The following C1orf159 variants were observed in gnomAD, a reference collection of about 807,000 sequenced individuals.
C1orf159 encodes uncharacterized protein C1orf159.
A neutral mutation model predicts 25.6 loss-of-function variants in C1orf159; 19 were observed. The ratio of observed to expected loss-of-function variants is 0.74; its 90% CI spans 0.52 to 1.09. The LOEUF (loss-of-function observed/expected upper bound fraction) is 1.09. C1orf159 is among the 50% of genes least tolerant of loss of function. The pLI, the probability that C1orf159 is intolerant of heterozygous loss-of-function variation, is 0.00. For missense variants in C1orf159, 274 were observed against 290.6 expected, an observed-to-expected ratio of 0.94 and a Z score of 0.42; for synonymous variants, 139 against 124.7, an observed-to-expected ratio of 1.12 and a Z score of -0.77.
chr1:1,092,796 G>C (rs1023735371), intron 1 of C1orf159: 1 of 152,396 alleles, frequency 6.6e-6, no homozygotes, highest in Non-Finnish European at 1.5e-5. Context: ...GCCCAGGTGT[G>C]AGCCTGCCGG....
intron 1 of C1orf159, among the ~76,000 whole-genome samples, chr1:1,096,308 C>A (rs1203544465): frequency 6.6e-6 from 1 of 152,180 alleles, no homozygotes; most frequent in Non-Finnish European, 1.5e-5. Flanking sequence ...ATCCTCCCAC[C>A]TCAGCCTCCC....
chr1:1,107,979 C>T (rs1646198653), intron 1 of C1orf159, among the ~76,000 whole-genome samples: 1 of 152,232 alleles, frequency 6.6e-6, no homozygotes, highest in African/African-American at 2.4e-5. Context: ...CTGTAACACT[C>T]ACTGCGAGGG....
chr1:1,093,262 G>A (rs1376652987), intron 1 of C1orf159, among the ~76,000 whole-genome samples: 1 of 152,156 alleles, frequency 6.6e-6, no homozygotes, highest in Non-Finnish European at 1.5e-5. Context: ...TCCCTCTCTG[G>A]TTAAAGGGCA....
intron 4 of C1orf159, among the ~76,000 whole-genome samples, chr1:1,088,563 C>T (rs1311515682): frequency 6.6e-6 from 1 of 151,244 alleles, no homozygotes; most frequent in East Asian, 2.0e-4. Context: ...CCCGCCAGGC[C>T]GACGCTGCGC....
chr1:1,101,660 C>T (rs751742598), intron 1 of C1orf159, among the ~76,000 whole-genome samples: 5 of 152,138 alleles, frequency 3.3e-5, no homozygotes, highest in South Asian at 2.1e-4. Context: ...CACAGTCTGT[C>T]GGCTCACGGT....
rs557192259 is a variant in C1orf159, at chr1:1,089,604, C to T, written c.148+749G>A. 1.5e-4 allele frequency among the ~76,000 whole-genome samples: 23 copies of T among 152,298 alleles called. No individual in the cohort carries two copies. In the South Asian group the frequency reaches 1.7e-3, roughly 11 times the overall value. On this transcript the variant is annotated intron_variant, in intron 4 of 9. Coordinates refer to ENST00000421241, the MANE Select transcript of C1orf159 (RefSeq NM_017891.5). This position sits in a 1 kb window ranked among gnomAD's most constrained non-coding sequence, Gnocchi z 7.5. ...CGCCGTCTTGACCACGCCCTCCTCA[C>T]GAGGCCCCTGAGTCCCCAGGAGCAG...
chr1:1,111,209 T>G (rs1646252264), intron 1 of C1orf159, among the ~76,000 whole-genome samples: 1 of 152,180 alleles, frequency 6.6e-6, no homozygotes. Flanking sequence ...ATACACTCTT[T>G]GACCACTCTT....
rs1427461926 is a variant in C1orf159, at chr1:1,091,971, A to G, written c.-23+20T>C. The G allele has an allele frequency of 2.2e-6, 1 of 457,370 alleles. No individual in the cohort carries two copies. Among genetic ancestry groups the G allele is most frequent in the Non-Finnish European group, 4.4e-6 (1 of 228,464 alleles). 28.3% of individuals were successfully genotyped at this position (457,370 alleles called of 1,614,324 possible). ...GGCCTTTGGAGGCACGGGTGGGGCG[A>G]GGTGTAGGCAGGGCCTTACCTGCCC... On this transcript the variant is annotated intron_variant, in intron 2 of 9. Coordinates refer to ENST00000421241, the MANE Select transcript of C1orf159 (RefSeq NM_017891.5).
At chr1:1,091,156 T>A (rs1311071394) in intron 3 of C1orf159, 1 of 623,592 alleles carries the variant, frequency 1.6e-6, no homozygotes, top group Admixed American at 2.9e-5. Flanking sequence ...GCAGCTACAC[T>A]CCCCGATAGC....
In C1orf159 at chr1:1,081,828, T is replaced by G. The variant is rs1048690999; in HGVS notation, c.*1065A>C. 6.6e-6 allele frequency: 1 copy of G among 152,234 alleles called. No individual in the cohort carries two copies. Among genetic ancestry groups the G allele is most frequent in the African/African-American group, 2.4e-5 (1 of 41,442 alleles). The allele number at this position is 152,234 out of a possible 1,614,324, so 9.4% of individuals were successfully genotyped here. On this transcript the variant is annotated 3_prime_UTR_variant, in exon 10 of 10. Coordinates refer to ENST00000421241, the MANE Select transcript of C1orf159 (RefSeq NM_017891.5). This position sits in a 1 kb window ranked among gnomAD's most constrained non-coding sequence, Gnocchi z 7.1. ...AGAGCAGCTCGGAACGCAGCTTGAG[T>G]AATGCCGACTTTATATCAGCACACC...
Position 1,091,464 on chromosome 1 carries a change from G to A in C1orf159, c.72+8C>T, listed in dbSNP as rs1055217495. Reference sequence around the variant, plus strand: ...TAGGCCGCGTGGACACGTGAGGGGGGCACCTACCGTGTTCTCCATGGACTT... The same window carrying A: ...TAGGCCGCGTGGACACGTGAGGGGGACACCTACCGTGTTCTCCATGGACTT... On this transcript the variant is annotated splice_region_variant and intron_variant, in intron 3 of 9. Transcript: ENST00000421241. The A allele has an allele frequency of 1.3e-6, 2 of 1,549,814 alleles. No homozygotes were observed. Among genetic ancestry groups the A allele is most frequent in the Admixed American group, 3.9e-5 (2 of 50,984 alleles).
intron 4 of C1orf159, among the ~76,000 whole-genome samples, chr1:1,088,598 G>A (rs1397904971): frequency 6.6e-6 from 1 of 151,444 alleles, no homozygotes; most frequent in Admixed American, 6.6e-5. Flanking sequence ...CCGCCCACCG[G>A]CCAGGGCGCC....
rs142369888 is a variant in C1orf159, at chr1:1,083,778, G to A, written c.502+575C>T. The A allele has an allele frequency of 4.2e-4, 330 of 794,394 alleles. 1 individual carries two copies. The East Asian group carries it at 8.8e-3, about 21-fold the overall frequency. 49.2% of individuals were successfully genotyped at this position (794,394 alleles called of 1,614,324 possible). A position where few individuals can be genotyped will look rare whatever the true frequency, so the allele number is the denominator to read the frequency against. On this transcript the variant is annotated intron_variant, in intron 9 of 9. Transcript: ENST00000421241. ...GAACGGTCTGTCCCCTAAAGGCACG[G>A]TCACCTGCCCCCATGACAGACTTCT...
In C1orf159 at chr1:1,084,487, G is replaced by T; in HGVS notation, c.465C>A (p.Gly155=). The change falls in exon 8 of 10, where the codon GGC becomes GGA. Residue 155 remains glycine, a synonymous_variant. Coordinates refer to ENST00000421241, the MANE Select transcript of C1orf159 (RefSeq NM_017891.5). ...GATGATGTGGGTTACTTACGGCTTC[G>T]CCAGGCTGCAGGGCCGGAGCTGTGG... ...RRNKAPALQP[G]EAAAMIPPPQ... 5 of 1,558,052 alleles carry T rather than the reference G, an allele frequency of 3.2e-6. No individual in the cohort carries two copies. The highest frequency in any genetic ancestry group is 1.4e-5 in the African/African-American group (1 of 73,462).
intron 1 of C1orf159, among the ~76,000 whole-genome samples, chr1:1,108,486 G>A (rs564520010): frequency 4.4e-5 from 5 of 112,362 alleles, no homozygotes; most frequent in African/African-American, 1.1e-4. Flanking sequence ...CAGCAGCACC[G>A]TCCACCACAG....
At chr1:1,101,196 A>C (rs1004457098) in intron 1 of C1orf159, among the ~76,000 whole-genome samples, 3 of 152,124 alleles carry the variant, frequency 2.0e-5, no homozygotes, top group Non-Finnish European at 2.9e-5. Context: ...AATTACTCAC[A>C]AACTTGGTCG....
In C1orf159 at chr1:1,114,332, C is replaced by G. The variant is rs139014400; in HGVS notation, c.-136+1728G>C. On this transcript the variant is annotated intron_variant, in intron 1 of 9. Transcript: ENST00000421241. ...GTAACGGGCCACAGGTGCTTGCCCCCATGCCTGGATAATATTTTTTATTTT... is the reference window on the plus strand; with the variant it reads ...GTAACGGGCCACAGGTGCTTGCCCCGATGCCTGGATAATATTTTTTATTTT... Among the ~76,000 whole-genome samples the G allele has an allele frequency of 2.2e-3, 340 of 152,308 alleles. 4 individuals carry two copies. In the Middle Eastern group the frequency reaches 0.027, roughly 12 times the overall value.
chr1:1,092,187 C>T (rs902557740), intron 1 of C1orf159, 84 bp from the exon 2 acceptor site: 23 of 335,848 alleles, frequency 6.8e-5, no homozygotes, highest in Non-Finnish European at 1.1e-4. Context: ...GGTCTGGGTC[C>T]GGTCCGGGCC....
At chr1:1,111,565 A>C (rs1646257030) in intron 1 of C1orf159, among the ~76,000 whole-genome samples, 2 of 152,178 alleles carry the variant, frequency 1.3e-5, no homozygotes, top group South Asian at 4.1e-4. Flanking sequence ...GTTTCAAGAA[A>C]AAAATGATGC....
Sources: allele counts gnomAD v4.1 joint callset (sites outside exome capture counted in the v4.1 genomes callset), GRCh38; gene constraint gnomAD v4.1.1; non-coding constraint Gnocchi (gnomAD v3.1); transcripts MANE v1.5; gene names NCBI Gene and HGNC (gene_info 2026-07-23, HGNC 2026-07-21).